CELF4: variants seen among roughly 807,000 people sequenced by gnomAD.
CELF4 encodes the protein CUG-BP- and ETR-3-like factor 4.
In CELF4, 18 loss-of-function variants were observed where a neutral mutation model predicts 59.9. The ratio of observed to expected loss-of-function variants is 0.30; its 90% CI spans 0.21 to 0.45. CELF4 has a LOEUF of 0.45. Among genes scored for constraint, CELF4 ranks in the 20% least tolerant of loss-of-function variants. The pLI is 1.00. For synonymous variants in CELF4, 261 were observed against 267.1 expected (o/e 0.98, Z 0.22); for missense variants, 456 against 689.0 (o/e 0.66, Z 3.79).
intron 1 of CELF4, 35 bp from the exon 2 acceptor site, chr18:37,485,642 G>A: frequency 7.4e-7 from 1 of 1,345,046 alleles, no homozygotes; most frequent in South Asian, 1.9e-5. Flanking sequence ...AAGGGTCAGT[G>A]GGGCGCCCCC....
intron 2 of CELF4, among the ~76,000 whole-genome samples, chr18:37,476,368 A>T (rs1365626378): frequency 6.6e-6 from 1 of 152,170 alleles, no homozygotes; most frequent in Non-Finnish European, 1.5e-5. Context: ...CCAGAAGGGG[A>T]TGCCACCCAC....
chr18:37,298,084 G>T (rs2095775471), intron 3 of CELF4, among the ~76,000 whole-genome samples: 1 of 152,242 alleles, frequency 6.6e-6, no homozygotes, highest in Admixed American at 6.5e-5. Context: ...ATGGGCTAAG[G>T]ATTAAAGGTG....
intron 1 of CELF4, among the ~76,000 whole-genome samples, chr18:37,548,827 T>C (rs570033142): frequency 6.6e-6 from 1 of 152,264 alleles, no homozygotes; most frequent in East Asian, 1.9e-4. Context: ...GGCATGTGGC[T>C]CCTACGTGGA....
At chr18:37,249,551 CAT>C (rs1483071948) in intron 12 of CELF4, among the ~76,000 whole-genome samples, 4 of 152,188 alleles carry the variant, frequency 2.6e-5, no homozygotes, top group South Asian at 4.1e-4. Flanking sequence ...ATCTCTCACA[CAT>C]GTGTGGCCCT....
intron 1 of CELF4, among the ~76,000 whole-genome samples, chr18:37,511,371 C>G (rs2099944137): frequency 6.6e-6 from 1 of 152,124 alleles, no homozygotes; most frequent in Admixed American, 6.6e-5. Flanking sequence ...GTCCGGGTCC[C>G]CTGCACAAGG....
At chr18:37,277,893 G>T (rs944622201) in intron 3 of CELF4, among the ~76,000 whole-genome samples, 5 of 152,018 alleles carry the variant, frequency 3.3e-5, no homozygotes, top group African/African-American at 1.2e-4. Context: ...TCCTCACTTG[G>T]ACAGAAAAAG....
intron 8 of CELF4, among the ~76,000 whole-genome samples, chr18:37,267,001 C>T (rs1296319925): frequency 2.6e-5 from 4 of 152,164 alleles, no homozygotes; most frequent in Non-Finnish European, 5.9e-5. Context: ...AGGGGGCTGG[C>T]AGCCCCCAGT....
At chr18:37,541,339 C>T (rs2099977639) in intron 1 of CELF4, among the ~76,000 whole-genome samples, 1 of 152,026 alleles carries the variant, frequency 6.6e-6, no homozygotes, top group South Asian at 2.1e-4. Context: ...TCTATTCGTC[C>T]TGGGCGCCTC....
At chr18:37,250,776 ACC>A (rs2065010510) in intron 12 of CELF4, among the ~76,000 whole-genome samples, 1 of 152,092 alleles carries the variant, frequency 6.6e-6, no homozygotes, top group Non-Finnish European at 1.5e-5. Context: ...CTTCTTAGCA[ACC>A]GCCTTCTATT....
At chr18:37,309,043 T>C (rs1311976701) in intron 3 of CELF4, among the ~76,000 whole-genome samples, 4 of 152,090 alleles carry the variant, frequency 2.6e-5, no homozygotes, top group African/African-American at 9.7e-5. Context: ...CCTCAGACCC[T>C]CTCTGAGGAC....
At chr18:37,355,029 G>A (rs937903001) in intron 2 of CELF4, among the ~76,000 whole-genome samples, 1 of 152,220 alleles carries the variant, frequency 6.6e-6, no homozygotes, top group Admixed American at 6.5e-5. Flanking sequence ...TGTGCCTACT[G>A]TGCATATGTG....
intron 2 of CELF4, among the ~76,000 whole-genome samples, chr18:37,363,213 G>A (rs1156429714): frequency 1.3e-5 from 2 of 152,112 alleles, no homozygotes; most frequent in Non-Finnish European, 2.9e-5. Flanking sequence ...GTTAGGAGGT[G>A]CTGAGTAGGC....
chr18:37,384,239 T>C (rs1458564609), intron 2 of CELF4, among the ~76,000 whole-genome samples: 2 of 152,228 alleles, frequency 1.3e-5, no homozygotes, highest in African/African-American at 4.8e-5. Flanking sequence ...CACTCTGTCC[T>C]TCCTGAGCTG....
intron 3 of CELF4, among the ~76,000 whole-genome samples, chr18:37,295,067 C>T (rs2095561078): frequency 6.6e-6 from 1 of 152,180 alleles, no homozygotes; most frequent in African/African-American, 2.4e-5. Context: ...CTTTCTGTCT[C>T]TGGGGCTCTG....
Position 37,266,715 on chromosome 18 carries a change from C to T in CELF4, c.1100-117G>A, listed in dbSNP as rs978757328. 38 of 935,910 alleles carry T rather than the reference C, an allele frequency of 4.1e-5. No homozygotes were observed. In the African/African-American group the frequency reaches 5.9e-4, roughly 15 times the overall value. 58.0% of individuals were successfully genotyped at this position (935,910 alleles called of 1,614,324 possible). On this transcript the variant is annotated intron_variant, in intron 8 of 12. Transcript: ENST00000420428. ...CTTTTCTGGCTACTGCAGGCTGTGC[C>T]CTGGGGCAGGGCATCCGAGACAGAA...
At chr18:37,335,351 G>A (rs1035828729) in intron 2 of CELF4, among the ~76,000 whole-genome samples, 1 of 152,124 alleles carries the variant, frequency 6.6e-6, no homozygotes, top group African/African-American at 2.4e-5. Flanking sequence ...TGAGGGGTCT[G>A]CACGTGAGTA....
chr18:37,326,275 A>T (rs2097307851), intron 2 of CELF4, among the ~76,000 whole-genome samples: 1 of 152,162 alleles, frequency 6.6e-6, no homozygotes, highest in Admixed American at 6.5e-5. Context: ...TGAGATCAGG[A>T]GGAAGACCAG....
chr18:37,336,472 C>T (rs1042525006), intron 2 of CELF4, among the ~76,000 whole-genome samples: 7 of 152,214 alleles, frequency 4.6e-5, no homozygotes, highest in Admixed American at 3.9e-4. Context: ...ATGAGCCACC[C>T]CATGTGGCCT....
intron 2 of CELF4, among the ~76,000 whole-genome samples, chr18:37,422,601 G>A (rs889291438): frequency 6.6e-5 from 10 of 152,216 alleles, no homozygotes; most frequent in African/African-American, 2.4e-4. Flanking sequence ...TAAGCATGTG[G>A]GAGTGAATGT....
Sources: gnomAD v4.1 joint callset for allele counts (sites outside exome capture counted in the v4.1 genomes callset) on GRCh38, gnomAD v4.1.1 for gene constraint, MANE v1.5 for transcripts, NCBI Gene and HGNC (gene_info 2026-07-23, HGNC 2026-07-21) for gene names.